ATP13A1: variants seen among roughly 807,000 people sequenced by gnomAD.
ATP13A1 encodes the protein ATPase 13A1, also known as endoplasmic reticulum transmembrane helix translocase.
ATP13A1 carries 55 observed loss-of-function variants against 134.8 expected under a neutral mutation model. That is an observed-to-expected ratio of 0.41 (90% CI 0.33 to 0.51). The LOEUF is 0.51. Among genes scored for constraint, ATP13A1 ranks in the 20% least tolerant of loss-of-function variants. The pLI is 0.29. For synonymous variants in ATP13A1, 775 were observed against 725.1 expected (o/e 1.07, Z -1.10); for missense variants, 1,389 against 1,652.8 (o/e 0.84, Z 2.77).
chr19:19,650,248 G>T, intron 17 of ATP13A1: 1 of 488,984 alleles, frequency 2.0e-6, no homozygotes, highest in Non-Finnish European at 3.7e-6. Flanking sequence ...CCCCTAACCT[G>T]AAACACACAG....
chr19:19,657,296 AG>A, intron 4 of ATP13A1, 39 bp downstream of exon 4: 1 of 1,546,496 alleles, frequency 6.5e-7, no homozygotes, highest in Non-Finnish European at 8.7e-7. Context: ...GAAAGCCCCA[AG>A]GGAGGAAATG....
intron 1 of ATP13A1, among the ~76,000 whole-genome samples, chr19:19,662,927 A>C (rs1453375554): frequency 1.3e-5 from 2 of 152,212 alleles, no homozygotes; most frequent in Non-Finnish European, 2.9e-5. Context: ...TTCCAGAACA[A>C]GAGTAGTCGC....
intron 16 of ATP13A1, 132 bp from the exon 17 acceptor site, chr19:19,651,929 T>A: frequency 2.9e-6 from 2 of 692,736 alleles, no homozygotes; most frequent in Non-Finnish European, 4.8e-6. Flanking sequence ...AGATGCTGAA[T>A]GGGCTTCCAA....
chr19:19,647,719 C>T lies in ATP13A1; in HGVS notation c.2673G>A (p.Glu891=). 6.2e-7 allele frequency: 1 copy of T among 1,607,604 alleles called. No individual in the cohort carries two copies. Among genetic ancestry groups the T allele is most frequent in the Non-Finnish European group, 8.5e-7 (1 of 1,178,984 alleles). ...GGCTGTCCCGGGGCCGCCGTCGCCG[C>T]TCGACAACCCGCTCAGGGGCATTGG... ...LLANAPERVV[E]RRRRPRDSPT... The change falls in exon 20 of 26, where the codon GAG becomes GAA. Residue 891 remains glutamate (E), a synonymous_variant. Coordinates refer to ENST00000357324, the MANE Select transcript of ATP13A1 (RefSeq NM_020410.3). The surrounding 1 kb of genome is among the most constrained non-coding windows in gnomAD (Gnocchi z 4.8).
rs202046214 is a variant in ATP13A1, at chr19:19,647,397, G to A, written c.2908+17C>T. 18 of 1,608,854 alleles carry A rather than the reference G, an allele frequency of 1.1e-5. No homozygotes were observed. In the African/African-American group the frequency reaches 1.5e-4, roughly 13 times the overall value. ...AGGGGGGAATGAAGGGAGGGGGAGC[G>A]GGGGCAGGCAACTCACTGCACTGGA... On this transcript the variant is annotated intron_variant, in intron 21 of 25. Coordinates refer to ENST00000357324, the MANE Select transcript of ATP13A1 (RefSeq NM_020410.3). The surrounding 1 kb of genome is among the most constrained non-coding windows in gnomAD (Gnocchi z 4.8).
rs2062036863 is a variant in ATP13A1 at position 19,653,408 on chromosome 19, C to T, written c.2100+376G>A. 3.4e-6 allele frequency: 1 copy of T among 294,442 alleles called. No individual in the cohort carries two copies. 18.2% of individuals were successfully genotyped at this position (294,442 alleles called of 1,614,324 possible). On this transcript the variant is annotated intron_variant, in intron 15 of 25. Transcript: ENST00000357324. The surrounding 1 kb of genome is among the most constrained non-coding windows in gnomAD (Gnocchi z 4.2). ...AGGGTGCAAGCAGAAAGAACGAGAGCCCAGGAAGAAGCCAAGCGGCAGATG... is the reference window on the plus strand; with the variant it reads ...AGGGTGCAAGCAGAAAGAACGAGAGTCCAGGAAGAAGCCAAGCGGCAGATG...
At chr19:19,648,291 C>A (rs1191714089) in intron 19 of ATP13A1, among the ~76,000 whole-genome samples, 1 of 152,058 alleles carries the variant, frequency 6.6e-6, no homozygotes. Context: ...CGCACTCCAG[C>A]CTGGGCGACA....
At position 19,647,405 on chromosome 19, in the gene ATP13A1, G is replaced by T; in HGVS notation, c.2908+9C>A. Reference sequence around the variant, plus strand: ...ATGAAGGGAGGGGGAGCGGGGGCAGGCAACTCACTGCACTGGATGGATGAG... The same window carrying T: ...ATGAAGGGAGGGGGAGCGGGGGCAGTCAACTCACTGCACTGGATGGATGAG... On this transcript the variant is annotated intron_variant, in intron 21 of 25. Coordinates refer to ENST00000357324, the MANE Select transcript of ATP13A1 (RefSeq NM_020410.3). The surrounding 1 kb of genome is among the most constrained non-coding windows in gnomAD (Gnocchi z 4.8). 6.2e-7 allele frequency: 1 copy of T among 1,610,840 alleles called. No individual in the cohort carries two copies. The highest frequency in any genetic ancestry group is 1.1e-5 in the South Asian group (1 of 90,754).
chr19:19,657,730 G>A (rs186889712), intron 3 of ATP13A1, among the ~76,000 whole-genome samples: 3 of 152,330 alleles, frequency 2.0e-5, no homozygotes, highest in Non-Finnish European at 2.9e-5. Flanking sequence ...TCATCTGGTC[G>A]AGTGACACAG....
intron 16 of ATP13A1, 83 bp downstream of exon 16, chr19:19,652,512 C>T (rs541879537): frequency 2.7e-6 from 4 of 1,497,248 alleles, no homozygotes; most frequent in Non-Finnish European, 3.6e-6. Flanking sequence ...GACTTGGGTG[C>T]CCACCCCTAC....
rs914551093 is a variant in ATP13A1 at position 19,654,600 on chromosome 19, C to T, written c.1756G>A (p.Val586Met). The change falls in exon 13 of 26, where the codon GTG becomes ATG. Residue 586 changes from valine to methionine, a missense_variant. Coordinates refer to ENST00000357324, the MANE Select transcript of ATP13A1 (RefSeq NM_020410.3). ...SLMQLDDGTLVGDPLEKAMLT... is the reference protein window; with the variant it reads ...SLMQLDDGTLMGDPLEKAMLT... The stretch of plus-strand genomic sequence containing the variant: ...ATGGCCTTCTCTAGAGGGTCACCCA[C>T]GAGGGTGCCGTCGTCCAGCTGCATG... 7 of 1,613,428 alleles carry T rather than the reference C, an allele frequency of 4.3e-6. No individual in the cohort carries two copies. The highest frequency in any genetic ancestry group is 1.1e-5 in the South Asian group (1 of 91,084).
Position 19,655,686 on chromosome 19 carries a change from T to G in ATP13A1, c.1270-32A>C. 2 of 1,603,168 alleles carry G rather than the reference T, an allele frequency of 1.2e-6. No homozygotes were observed. Among genetic ancestry groups the G allele is most frequent in the Non-Finnish European group, 1.7e-6 (2 of 1,175,088 alleles). On this transcript the variant is annotated intron_variant, in intron 9 of 25. Coordinates refer to ENST00000357324, the MANE Select transcript of ATP13A1 (RefSeq NM_020410.3). This position sits in a 1 kb window ranked among gnomAD's most constrained non-coding sequence, Gnocchi z 5.7. ...GAATGGAGGAACAGCCTTTCTGCTG[T>G]CTGGACTCCCTCCAGCAGCTCAGGC...
At chr19:19,646,385 C>G in intron 22 of ATP13A1, 38 bp from the exon 23 acceptor site, 2 of 1,612,054 alleles carry the variant, frequency 1.2e-6, no homozygotes, top group Non-Finnish European at 1.7e-6. Context: ...CAGGATCTGG[C>G]TCACTTGGGG....
chr19:19,658,658 A>G (rs999446889), intron 3 of ATP13A1, among the ~76,000 whole-genome samples: 1 of 152,232 alleles, frequency 6.6e-6, no homozygotes, highest in African/African-American at 2.4e-5. Flanking sequence ...GCTCCCAGCC[A>G]CGTGTCAGCA....
chr19:19,653,646 A>T lies in ATP13A1; in HGVS notation c.2100+138T>A. 1 of 824,502 alleles carries T rather than the reference A, an allele frequency of 1.2e-6. No homozygotes were observed. The highest frequency in any genetic ancestry group is 1.9e-6 in the Non-Finnish European group (1 of 533,122). 51.1% of individuals were successfully genotyped at this position (824,502 alleles called of 1,614,324 possible). On this transcript the variant is annotated intron_variant, in intron 15 of 25. Coordinates refer to ENST00000357324, the MANE Select transcript of ATP13A1 (RefSeq NM_020410.3). The surrounding 1 kb of genome is among the most constrained non-coding windows in gnomAD (Gnocchi z 4.2). ...AGACTGAGTGCCATTTGGAGTCTCC[A>T]AAGGTAGAAGCTGGAGGCGGGGCAA...
chr19:19,652,075 A>G (rs572903788), intron 16 of ATP13A1, among the ~76,000 whole-genome samples: 59 of 152,074 alleles, frequency 3.9e-4, no homozygotes, highest in Admixed American at 7.2e-4. Context: ...TTGGCTTGGT[A>G]GCTGCCCATG....
chr19:19,658,777 C>T (rs375480497), intron 3 of ATP13A1, among the ~76,000 whole-genome samples: 14 of 152,130 alleles, frequency 9.2e-5, no homozygotes, highest in Admixed American at 3.9e-4. Context: ...CATTCTGAAG[C>T]GCTGAGATGC....
At position 19,660,940 on chromosome 19, in the gene ATP13A1, A is replaced by G. The variant is rs995800031; in HGVS notation, c.397-953T>C. On this transcript the variant is annotated intron_variant, in intron 1 of 25. Transcript: ENST00000357324. Reference sequence around the variant, plus strand: ...CTAAAAATATAAAAATTAGCTGGGCATAGTGGCAGGCACCTGTAGTCTCAG... The same window carrying G: ...CTAAAAATATAAAAATTAGCTGGGCGTAGTGGCAGGCACCTGTAGTCTCAG... Among the ~76,000 whole-genome samples, 15 of 147,792 alleles carry G rather than the reference A, an allele frequency of 1.0e-4. No individual in the cohort carries two copies. The South Asian group carries it at 2.8e-3, about 28-fold the overall frequency.
At chr19:19,648,505 A>AAAAAAAG (rs984078677) in intron 19 of ATP13A1, among the ~76,000 whole-genome samples, 1 of 150,294 alleles carries the variant, frequency 6.7e-6, no homozygotes, top group Non-Finnish European at 1.5e-5. Flanking sequence ...TTGCAAAAAA[A>AAAAAAAG]AAAAAAGAAA....
Sources: gnomAD v4.1 joint callset for allele counts (sites outside exome capture counted in the v4.1 genomes callset) on GRCh38, gnomAD v4.1.1 for gene constraint, Gnocchi (gnomAD v3.1) non-coding constraint, MANE v1.5 for transcripts, NCBI Gene and HGNC (gene_info 2026-07-23, HGNC 2026-07-21) for gene names.